HSD11B1L: variants seen among roughly 807,000 people sequenced by gnomAD.
HSD11B1L encodes hydroxysteroid 11-beta dehydrogenase 1 like.
A neutral mutation model predicts 27.0 loss-of-function variants in HSD11B1L; 22 were observed. That is an observed-to-expected ratio of 0.81 (90% CI 0.58 to 1.16). HSD11B1L has a LOEUF of 1.16. Among genes scored for constraint, HSD11B1L ranks in the 50% most tolerant of loss-of-function variants. The pLI is 0.00. For synonymous variants in HSD11B1L, 187 were observed against 189.2 expected (o/e 0.99, Z 0.09); for missense variants, 372 against 401.8 (o/e 0.93, Z 0.63).
At position 5,685,509 on chromosome 19, in the gene HSD11B1L, C is replaced by G. The variant is rs2054665864; in HGVS notation, c.204+390C>G. 2 of 299,784 alleles carry G rather than the reference C, an allele frequency of 6.7e-6. No homozygotes were observed. The highest frequency in any genetic ancestry group is 5.6e-5 in the South Asian group (2 of 35,518). 18.6% of individuals were successfully genotyped at this position (299,784 alleles called of 1,614,324 possible). A position where few individuals can be genotyped will look rare whatever the true frequency, so the allele number is the denominator to read the frequency against. ...GATGGATCACTTGAGGTCAGGAGTT[C>G]AAAACCAGCCTGGCCAACATGGTGA... On this transcript the variant is annotated intron_variant, in intron 3 of 7. Coordinates refer to ENST00000339423, the MANE Select transcript of HSD11B1L (RefSeq NM_198706.3). This position sits in a 1 kb window ranked among gnomAD's most constrained non-coding sequence, Gnocchi z 4.3.
rs2054720612 is a variant in HSD11B1L, at chr19:5,687,198, G to A, written c.409-84G>A. On this transcript the variant is annotated intron_variant, in intron 5 of 7. Transcript: ENST00000339423. This position sits in a 1 kb window ranked among gnomAD's most constrained non-coding sequence, Gnocchi z 6.6. ...GGTTTCTGGCCCCGTCTCTGACCCG[G>A]CCCTGGCCCCGCCCTCTGGGTTTCT... The A allele has an allele frequency of 4.1e-6, 6 of 1,462,224 alleles. No homozygotes were observed. In the Middle Eastern group the frequency reaches 7.0e-4, roughly 169 times the overall value. The allele number at this position is 1,462,224 out of a possible 1,614,324, so 90.6% of individuals were successfully genotyped here.
intron 1 of HSD11B1L, among the ~76,000 whole-genome samples, chr19:5,683,400 G>C (rs1484194641): frequency 6.6e-6 from 1 of 152,026 alleles, no homozygotes; most frequent in Non-Finnish European, 1.5e-5. Context: ...GCTGTCTCTT[G>C]GCTTCCTCAC....
intron 4 of HSD11B1L, 70 bp from the exon 5 acceptor site, chr19:5,686,830 A>ATTAG: frequency 7.6e-7 from 1 of 1,317,466 alleles, no homozygotes; most frequent in Non-Finnish European, 1.0e-6. Context: ...GGTGGAGCTA[A>ATTAG]GCTCGGGGGC....
Position 5,687,669 on chromosome 19 carries a change from G to T in HSD11B1L, c.668+1G>T. 1 of 1,577,448 alleles carries T rather than the reference G, an allele frequency of 6.3e-7. No individual in the cohort carries two copies. On this transcript the variant is annotated splice_donor_variant, in intron 7 of 7. Coordinates refer to ENST00000339423, the MANE Select transcript of HSD11B1L (RefSeq NM_198706.3). LOFTEE classifies it high-confidence loss of function. The surrounding 1 kb of genome is among the most constrained non-coding windows in gnomAD (Gnocchi z 6.6). ...GCGCCTCCGCCGCCGAGGCAGTCAG[G>T]TGAGGCCCGGACAAGCTGGGGGCTG...
Position 5,687,492 on chromosome 19 carries a change from C to A in HSD11B1L, c.503-11C>A. On this transcript the variant is annotated splice_polypyrimidine_tract_variant and intron_variant, in intron 6 of 7. Coordinates refer to ENST00000339423, the MANE Select transcript of HSD11B1L (RefSeq NM_198706.3). This position sits in a 1 kb window ranked among gnomAD's most constrained non-coding sequence, Gnocchi z 6.6. ...GGGGAGCCACTCAGCCGCTGCCGTC[C>A]GCGCCCCCAGGCCGCGTGCCCACGT... 5.0e-6 allele frequency: 8 copies of A among 1,591,386 alleles called. No individual in the cohort carries two copies. The highest frequency in any genetic ancestry group is 6.8e-6 in the Non-Finnish European group (8 of 1,174,350).
chr19:5,685,587 A>T lies in HSD11B1L; in HGVS notation c.204+468A>T, dbSNP rs928582318. 13 of 185,022 alleles carry T rather than the reference A, an allele frequency of 7.0e-5. No homozygotes were observed. Among genetic ancestry groups the T allele is most frequent in the Admixed American group, 2.2e-4 (4 of 18,482 alleles). The allele number at this position is 185,022 out of a possible 1,614,324, so 11.5% of individuals were successfully genotyped here. ...AATAAAAATAAAATAAATAAATAAA[A>T]AATTAGCCGGCGTGGTGTCAGGCAC... is the stretch of plus-strand genomic sequence containing the variant. On this transcript the variant is annotated intron_variant, in intron 3 of 7. Coordinates refer to ENST00000339423, the MANE Select transcript of HSD11B1L (RefSeq NM_198706.3). This position sits in a 1 kb window ranked among gnomAD's most constrained non-coding sequence, Gnocchi z 4.3.
rs756069021 is a variant in HSD11B1L at position 5,687,316 on chromosome 19, G to A, written c.443G>A (p.Arg148Gln). Residue 148 changes from arginine to glutamine, a missense_variant, in exon 6 of 8, where the codon CGG becomes CAG. Transcript: ENST00000339423. This position sits in a 1 kb window ranked among gnomAD's most constrained non-coding sequence, Gnocchi z 6.6. ...GTGAGCTACGTGCAACTGACGTCGC[G>A]GGCGCTGCCCAGCCTGACGGACAGC... The part of the protein sequence containing the change: ...NFVSYVQLTS[R>Q]ALPSLTDSKG... 14 of 1,612,732 alleles carry A rather than the reference G, an allele frequency of 8.7e-6. No homozygotes were observed. In the African/African-American group the frequency reaches 1.6e-4, roughly 18 times the overall value.
chr19:5,684,358 A>G (rs1419296989), intron 1 of HSD11B1L: 1 of 329,510 alleles, frequency 3.0e-6, no homozygotes, highest in East Asian at 4.9e-5. Flanking sequence ...GAAGTGAGAG[A>G]GCAAGCCATT....
rs751318736 is a variant in HSD11B1L at position 5,684,925 on chromosome 19, G to T, written c.73+20G>T. The T allele has an allele frequency of 6.2e-6, 10 of 1,613,084 alleles. No individual in the cohort carries two copies. The Admixed American group carries it at 1.2e-4, about 19-fold the overall frequency. ...ACCCAGGTGAGCACCTGGGGTTGAG[G>T]GAGGGAGAAACCGGGCCAGCTGTCC... On this transcript the variant is annotated intron_variant, in intron 2 of 7. Transcript: ENST00000339423.
In HSD11B1L at chr19:5,684,753, C is replaced by T. The variant is rs779625428; in HGVS notation, c.-14-66C>T. ...CCAAGGCGGTGGCATCACCAAACAC[C>T]CACCAAACACGGGTGGCTGTGGGCC... is the stretch of plus-strand genomic sequence containing the variant. On this transcript the variant is annotated intron_variant, in intron 1 of 7. Coordinates refer to ENST00000339423, the MANE Select transcript of HSD11B1L (RefSeq NM_198706.3). 31 of 1,606,090 alleles carry T rather than the reference C, an allele frequency of 1.9e-5. No individual in the cohort carries two copies. In the African/African-American group the frequency reaches 4.2e-4, roughly 22 times the overall value.
Position 5,682,775 on chromosome 19 carries a change from T to C in HSD11B1L, c.-15+1504T>C, listed in dbSNP as rs190909084. Among the ~76,000 whole-genome samples, 7 of 151,148 alleles carry C rather than the reference T, an allele frequency of 4.6e-5. No homozygotes were observed. In the East Asian group the frequency reaches 1.2e-3, roughly 25 times the overall value. The stretch of plus-strand genomic sequence containing the variant: ...CTCCATCTGGTCTGTCTCAGCTTCC[T>C]GGTTCTGGAAGTCCCCTTCCCCTTG... On this transcript the variant is annotated intron_variant, in intron 1 of 7. Transcript: ENST00000339423.
chr19:5,687,189 T>TCTGACCCGGCC lies in HSD11B1L; in HGVS notation c.409-89_409-79dup. 3 of 1,407,466 alleles carry TCTGACCCGGCC rather than the reference T, an allele frequency of 2.1e-6. No homozygotes were observed. The highest frequency in any genetic ancestry group is 2.9e-6 in the Non-Finnish European group (3 of 1,025,676). 87.2% of individuals were successfully genotyped at this position (1,407,466 alleles called of 1,614,324 possible). On this transcript the variant is annotated intron_variant, in intron 5 of 7. Coordinates refer to ENST00000339423, the MANE Select transcript of HSD11B1L (RefSeq NM_198706.3). This position sits in a 1 kb window ranked among gnomAD's most constrained non-coding sequence, Gnocchi z 6.6. ...CGCCTTCCGGGTTTCTGGCCCCGTC[T>TCTGACCCGGCC]CTGACCCGGCCCTGGCCCCGCCCTC...
In HSD11B1L at chr19:5,681,166, C is replaced by G. The variant is rs973273358; in HGVS notation, c.-120C>G. On this transcript the variant is annotated 5_prime_UTR_variant, in exon 1 of 8. Transcript: ENST00000339423. Reference sequence around the variant, plus strand: ...CTACGGGAGGGGGTGCGGTCGGGGACCCGGCAGGAGGCGGCCGAGAAGAGA... The same window carrying G: ...CTACGGGAGGGGGTGCGGTCGGGGAGCCGGCAGGAGGCGGCCGAGAAGAGA... The G allele has an allele frequency of 2.0e-5, 3 of 152,396 alleles. No homozygotes were observed. Among genetic ancestry groups the G allele is most frequent in the African/African-American group, 7.2e-5 (3 of 41,448 alleles). 9.4% of individuals were successfully genotyped at this position (152,396 alleles called of 1,614,324 possible). A position where few individuals can be genotyped will look rare whatever the true frequency, so the allele number is the denominator to read the frequency against.
Position 5,688,097 on chromosome 19 carries a change from G to A in HSD11B1L, c.*152G>A. 6.4e-7 allele frequency: 1 copy of A among 1,551,502 alleles called. No homozygotes were observed. Among genetic ancestry groups the A allele is most frequent in the Non-Finnish European group, 8.7e-7 (1 of 1,147,000 alleles). On this transcript the variant is annotated 3_prime_UTR_variant, in exon 8 of 8. Coordinates refer to ENST00000339423, the MANE Select transcript of HSD11B1L (RefSeq NM_198706.3). ...GAAAAGCAAAACCGAGAAAAACGACGGGCACCTGGAACCAGTCACGGCTTG... is the reference window on the plus strand; with the variant it reads ...GAAAAGCAAAACCGAGAAAAACGACAGGCACCTGGAACCAGTCACGGCTTG...
intron 1 of HSD11B1L, among the ~76,000 whole-genome samples, chr19:5,684,515 G>A (rs1174391849): frequency 3.9e-5 from 6 of 152,184 alleles, no homozygotes; most frequent in Non-Finnish European, 8.8e-5. Context: ...TCCACACAGG[G>A]CGTTTGTAGC....
At position 5,686,348 on chromosome 19, in the gene HSD11B1L, G is replaced by A. The variant is rs1156233518; in HGVS notation, c.205-68G>A. 3 of 1,098,060 alleles carry A rather than the reference G, an allele frequency of 2.7e-6. 1 individual carries two copies. The highest frequency in any genetic ancestry group is 5.9e-4 in the Middle Eastern group (2 of 3,418). The allele number at this position is 1,098,060 out of a possible 1,614,324, so 68.0% of individuals were successfully genotyped here. ...TCAGGCGGGGGCCTCCCTATGGCCA[G>A]CAGGTGCGGTGGAGGGGGAAGCGCT... On this transcript the variant is annotated intron_variant, in intron 3 of 7. Coordinates refer to ENST00000339423, the MANE Select transcript of HSD11B1L (RefSeq NM_198706.3).
intron 1 of HSD11B1L, among the ~76,000 whole-genome samples, chr19:5,682,975 T>G (rs1351175377): frequency 6.6e-6 from 1 of 151,988 alleles, no homozygotes; most frequent in Admixed American, 6.6e-5. Context: ...CGATGATTAG[T>G]TGGGCGTGCT....
In HSD11B1L at chr19:5,684,856, G is replaced by A; in HGVS notation, c.24G>A (p.Gly8=). The change falls in exon 2 of 8, where the codon GGG becomes GGA. Residue 8 remains glycine, a synonymous_variant. Coordinates refer to ENST00000339423, the MANE Select transcript of HSD11B1L (RefSeq NM_198706.3). ...CCATGAAGGTGCTTCTCCTCACAGG[G>A]CTGGGGGCCCTGTTCTTCGCCTATT... is the stretch of plus-strand genomic sequence containing the variant. MKVLLLT[G]LGALFFAYYW... is the part of the protein sequence containing the mutation. 1.2e-6 allele frequency: 2 copies of A among 1,613,870 alleles called. No individual in the cohort carries two copies. The highest frequency in any genetic ancestry group is 1.7e-6 in the Non-Finnish European group (2 of 1,180,006).
chr19:5,686,311 AGG>A, intron 3 of HSD11B1L, 103 bp from the exon 4 acceptor site: 1 of 717,964 alleles, frequency 1.4e-6, no homozygotes, highest in Non-Finnish European at 2.2e-6. Flanking sequence ...GGCTCAGAGT[AGG>A]GGGGGGTTTT....
Sources: gnomAD v4.1 joint callset for allele counts (sites outside exome capture counted in the v4.1 genomes callset) on GRCh38, gnomAD v4.1.1 for gene constraint, Gnocchi (gnomAD v3.1) non-coding constraint, MANE v1.5 for transcripts, NCBI Gene and HGNC (gene_info 2026-07-23, HGNC 2026-07-21) for gene names.